LIMA1: variants seen among roughly 807,000 people sequenced by gnomAD.
The protein encoded by LIMA1 is LIM domain and actin binding 1, also known as LIM domain and actin-binding protein 1.
In LIMA1, 52 loss-of-function variants were observed where a neutral mutation model predicts 62.6. The ratio of observed to expected loss-of-function variants is 0.83; its 90% CI spans 0.67 to 1.05. The LOEUF is 1.05. Among genes scored for constraint, LIMA1 ranks in the 50% least tolerant of loss-of-function variants. The probability of loss-of-function intolerance (pLI) is 0.00; values close to 1 mark genes in which losing one functional copy is unlikely to be tolerated. For missense variants in LIMA1, 780 were observed against 902.2 expected (o/e 0.86, Z 1.74); for synonymous variants, 302 against 317.8 (o/e 0.95, Z 0.53).
chr12:50,261,042 ATTTTTTTTTTTTTT>A (rs71083524), intron 1 of LIMA1, among the ~76,000 whole-genome samples: 3 of 54,296 alleles, frequency 5.5e-5, no homozygotes, highest in Middle Eastern at 0.011. Context: ...CATCTAGTAT[ATTTTTTTTTTTTTT>A]TTTTTTTTTT....
At chr12:50,203,915 G>C (rs1460824906) in intron 6 of LIMA1, among the ~76,000 whole-genome samples, 2 of 152,218 alleles carry the variant, frequency 1.3e-5, no homozygotes, top group African/African-American at 2.4e-5. Flanking sequence ...GTGGTTGCCA[G>C]GGGATGAGAG....
At position 50,234,519 on chromosome 12, in the gene LIMA1, C is replaced by T. The variant is rs567994111; in HGVS notation, c.120-2809G>A. ...CCACCATGCCTGGCCCTAGAACAAC[C>T]TTAACCTGGCTTCCTCCAGACCTCT... On this transcript the variant is annotated intron_variant, in intron 2 of 10. Transcript: ENST00000341247. 2.2e-4 allele frequency among the ~76,000 whole-genome samples: 34 copies of T among 151,804 alleles called. No homozygotes were observed. The South Asian group carries it at 7.1e-3, about 32-fold the overall frequency.
Position 50,267,663 on chromosome 12 carries a change from G to A in LIMA1, c.-24+15757C>T, listed in dbSNP as rs1367241044. ...GCCTCCTGAGTAGTTGGGACTACAG[G>A]TGCATGCCACCACACCCAGTGAATT... On this transcript the variant is annotated intron_variant, in intron 1 of 10. Transcript: ENST00000341247. 3.3e-5 allele frequency among the ~76,000 whole-genome samples: 5 copies of A among 151,708 alleles called. No individual in the cohort carries two copies. The East Asian group carries it at 9.7e-4, about 29-fold the overall frequency.
rs115410640 is a variant in LIMA1, at chr12:50,254,630, T to C, written c.-23-5856A>G. On this transcript the variant is annotated intron_variant, in intron 1 of 10. Transcript: ENST00000341247. ...CTTGAAAAGTTGAAGAGTGACTCAC[T>C]GGGAAATCTGCCCCAGGTATCTGCT... 1.0e-3 allele frequency among the ~76,000 whole-genome samples: 159 copies of C among 152,290 alleles called. 1 individual carries two copies. Among genetic ancestry groups the C allele is most frequent in the African/African-American group, 3.7e-3 (152 of 41,580 alleles).
intron 4 of LIMA1, among the ~76,000 whole-genome samples, chr12:50,215,724 C>T (rs1393679656): frequency 1.3e-5 from 2 of 152,080 alleles, no homozygotes; most frequent in African/African-American, 2.4e-5. Context: ...CCGCCTGCCT[C>T]GGCCTCCCAA....
intron 8 of LIMA1, among the ~76,000 whole-genome samples, chr12:50,193,648 GTGTATATA>G (rs1325995525): frequency 1.8e-5 from 1 of 55,510 alleles, no homozygotes; most frequent in African/African-American, 8.3e-5. Flanking sequence ...GTGTGTGTGT[GTGTATATA>G]TATATATATA....
chr12:50,271,500 G>A (rs974454529), intron 1 of LIMA1, among the ~76,000 whole-genome samples: 10 of 152,034 alleles, frequency 6.6e-5, no homozygotes, highest in Middle Eastern at 3.2e-3. Context: ...ATAATCCAAC[G>A]AAGTGAGGTT....
chr12:50,197,073 C>CT (rs34487829), intron 7 of LIMA1, among the ~76,000 whole-genome samples: 47,146 of 132,336 alleles, frequency 0.36, 8,794 homozygotes, highest in South Asian at 0.5. Context: ...GTAATCTTTG[C>CT]TTTTTTTTTT....
chr12:50,197,268 C>T (rs937729864), intron 7 of LIMA1, among the ~76,000 whole-genome samples: 1 of 152,022 alleles, frequency 6.6e-6, no homozygotes, highest in Admixed American at 6.6e-5. Flanking sequence ...CAGGGTTTCA[C>T]CATGTTGGCC....
At chr12:50,261,711 AG>A (rs1370292556) in intron 1 of LIMA1, among the ~76,000 whole-genome samples, 3 of 152,092 alleles carry the variant, frequency 2.0e-5, no homozygotes, top group African/African-American at 7.2e-5. Context: ...CTTATCTCCC[AG>A]GCTGGAACGC....
At chr12:50,191,277 G>C (rs1026070298) in intron 9 of LIMA1, 1 of 150,870 alleles carries the variant, frequency 6.6e-6, no homozygotes, top group Non-Finnish European at 1.5e-5. Context: ...TCCCATCCCA[G>C]CACTTTGGGA....
intron 4 of LIMA1, among the ~76,000 whole-genome samples, chr12:50,213,197 G>T (rs1941287921): frequency 6.6e-6 from 1 of 152,180 alleles, no homozygotes; most frequent in African/African-American, 2.4e-5. Flanking sequence ...TATTCCTTCT[G>T]TTCACTGTCC....
intron 1 of LIMA1, among the ~76,000 whole-genome samples, chr12:50,282,453 C>T (rs1271157905): frequency 1.3e-5 from 2 of 152,236 alleles, no homozygotes; most frequent in Non-Finnish European, 2.9e-5. Flanking sequence ...CTTTGACTAA[C>T]CTGAAAAGTC....
chr12:50,265,790 T>A (rs1942132097), intron 1 of LIMA1, among the ~76,000 whole-genome samples: 1 of 152,070 alleles, frequency 6.6e-6, no homozygotes, highest in African/African-American at 2.4e-5. Flanking sequence ...CTTTGTAAGG[T>A]TCTTGTGCAA....
chr12:50,263,880 G>GTA lies in LIMA1; in HGVS notation c.-23-15108_-23-15107dup, dbSNP rs530007792. ...GAGTATATATATATATATATATAAA[G>GTA]TATATATATATATATAAAGTATGTA... On this transcript the variant is annotated intron_variant, in intron 1 of 10. Transcript: ENST00000341247. Among the ~76,000 whole-genome samples the GTA allele has an allele frequency of 5.0e-3, 528 of 106,614 alleles. 4 individuals carry two copies. Among genetic ancestry groups the GTA allele is most frequent in the African/African-American group, 0.016 (426 of 26,898 alleles). 69.9% of individuals were successfully genotyped at this position (106,614 alleles called of 152,430 possible).
chr12:50,177,410 T>C lies in LIMA1; in HGVS notation c.1934A>G (p.Asn645Ser), dbSNP rs1940368769. 1 of 1,614,216 alleles carries C rather than the reference T, an allele frequency of 6.2e-7. No homozygotes were observed. Among genetic ancestry groups the C allele is most frequent in the Non-Finnish European group, 8.5e-7 (1 of 1,180,036 alleles). Reference sequence around the variant, plus strand: ...CCAGGTTGTTTTTCCCACATTCCCATTCTTCTTAGAAGCCTTGGCATTTTC... The same window carrying C: ...CCAGGTTGTTTTTCCCACATTCCCACTCTTCTTAGAAGCCTTGGCATTTTC... ...QVENAKASKKNGNVGKTTWQN... is the reference protein window; with the variant it reads ...QVENAKASKKSGNVGKTTWQN... Residue 645 changes from asparagine to serine, a missense_variant, in exon 11 of 11, where the codon AAT becomes AGT. Coordinates refer to ENST00000341247, the MANE Select transcript of LIMA1 (RefSeq NM_016357.5).
chr12:50,208,436 A>G (rs1941193514), intron 4 of LIMA1, among the ~76,000 whole-genome samples: 1 of 152,166 alleles, frequency 6.6e-6, no homozygotes, highest in Non-Finnish European at 1.5e-5. Context: ...CAGTGAGCAG[A>G]GATCAGGCCA....
chr12:50,209,870 T>A (rs1941223000), intron 4 of LIMA1, among the ~76,000 whole-genome samples: 1 of 151,994 alleles, frequency 6.6e-6, no homozygotes, highest in South Asian at 2.1e-4. Context: ...ACCATGTTGG[T>A]CAAGCTGGTC....
At chr12:50,211,864 G>GCTCTTTTTACT (rs2138515813) in intron 4 of LIMA1, among the ~76,000 whole-genome samples, 1 of 152,116 alleles carries the variant, frequency 6.6e-6, no homozygotes, top group Admixed American at 6.5e-5. Flanking sequence ...TCACATTTTA[G>GCTCTTTTTACT]CTCTTTTTAC....
Sources: gnomAD v4.1 joint callset for allele counts (sites outside exome capture counted in the v4.1 genomes callset) on GRCh38, gnomAD v4.1.1 for gene constraint, MANE v1.5 for transcripts, NCBI Gene and HGNC (gene_info 2026-07-23, HGNC 2026-07-21) for gene names.